Variants in HNRNPLL observed in about 807,000 individuals in gnomAD.
The protein encoded by HNRNPLL is heterogeneous nuclear ribonucleoprotein L like, also known as heterogeneous nuclear ribonucleoprotein L-like.
A neutral mutation model predicts 67.1 loss-of-function variants in HNRNPLL; 25 were observed. That is an observed-to-expected ratio of 0.37 (90% CI 0.27 to 0.52). HNRNPLL has a LOEUF of 0.52. Among genes scored for constraint, HNRNPLL ranks in the 20% least tolerant of loss-of-function variants. The pLI is 0.90. For synonymous variants in HNRNPLL, 267 were observed against 241.7 expected (o/e 1.10, Z -0.97); for missense variants, 542 against 673.9 (o/e 0.80, Z 2.17).
intron 3 of HNRNPLL, 143 bp downstream of exon 3, chr2:38,585,501 A>G (rs1666688135): frequency 3.3e-6 from 2 of 606,494 alleles, no homozygotes; most frequent in African/African-American, 3.7e-5. Context: ...TTCTTTGTTC[A>G]TTAAACTTGT....
chr2:38,587,565 G>A (rs766039195), intron 2 of HNRNPLL, among the ~76,000 whole-genome samples: 5 of 152,068 alleles, frequency 3.3e-5, no homozygotes, highest in Non-Finnish European at 4.4e-5. Flanking sequence ...AAACACAGAC[G>A]CTTCACTGAA....
chr2:38,582,532 G>A (rs886924011), intron 4 of HNRNPLL, among the ~76,000 whole-genome samples: 8 of 152,006 alleles, frequency 5.3e-5, no homozygotes, highest in African/African-American at 1.2e-4. Flanking sequence ...GGATTGTCTC[G>A]ATCTCTTGAC....
At chr2:38,573,088 T>C in intron 8 of HNRNPLL, 122 bp downstream of exon 8, 3 of 670,070 alleles carry the variant, frequency 4.5e-6, no homozygotes, top group Non-Finnish European at 7.6e-6. Flanking sequence ...TTTTAGCTTA[T>C]GTGGGTCATT....
At chr2:38,588,767 T>C (rs1001462927) in intron 2 of HNRNPLL, among the ~76,000 whole-genome samples, 1 of 151,912 alleles carries the variant, frequency 6.6e-6, no homozygotes, top group Non-Finnish European at 1.5e-5. Context: ...TGAAACCAGG[T>C]GTGGTGGCTT....
At chr2:38,576,266 C>T (rs1666297608) in intron 7 of HNRNPLL, among the ~76,000 whole-genome samples, 1 of 151,790 alleles carries the variant, frequency 6.6e-6, no homozygotes, top group Admixed American at 6.6e-5. Context: ...CATGACTCTA[C>T]AACTATACTA....
At position 38,584,032 on chromosome 2, in the gene HNRNPLL, T is replaced by C. The variant is rs552298682; in HGVS notation, c.547-106A>G. The C allele has an allele frequency of 8.4e-5, 40 of 477,584 alleles. 1 individual carries two copies. Among genetic ancestry groups the C allele is most frequent in the African/African-American group, 6.9e-4 (34 of 49,402 alleles). 29.6% of individuals were successfully genotyped at this position (477,584 alleles called of 1,614,324 possible). ...AAAACTATCAACTGTCAAGATGTCA[T>C]TTCTATTGATTAATAAAATTAATTC... On this transcript the variant is annotated intron_variant, in intron 3 of 12. Transcript: ENST00000449105.
In HNRNPLL at chr2:38,598,582, G is replaced by A. The variant is rs73929085; in HGVS notation, c.189+3856C>T. Among the ~76,000 whole-genome samples the A allele has an allele frequency of 7.1e-3, 1,078 of 152,312 alleles. 18 individuals are homozygous for A. Among genetic ancestry groups the A allele is most frequent in the African/African-American group, 0.025 (1,031 of 41,560 alleles). On this transcript the variant is annotated intron_variant, in intron 1 of 12. Transcript: ENST00000449105. ...GATGTAGAACCAGATTTTTAGATAT[G>A]TAACATTTTTTCACTATTATAGCCC...
rs989747207 is a variant in HNRNPLL at position 38,569,315 on chromosome 2, C to A, written c.1234G>T (p.Val412Phe). The change falls in exon 10 of 13, where the codon GTT (valine) becomes TTT (phenylalanine). Residue 412 changes from valine (V) to phenylalanine (F), a missense_variant. Around this residue, in one of 2 missense-constraint regions of HNRNPLL, gnomAD observed 415 missense variants for 575.2 expected, o/e 0.72. Coordinates refer to ENST00000449105, the MANE Select transcript of HNRNPLL (RefSeq NM_138394.4). The part of the protein sequence containing the change: ...LNVCVSKQHS[V>F]VPSQIFELED... ...AGCTCAAATATTTGACTTGGAACAA[C>A]TGAATGTTGTTTAGACACGCTAAAG... The A allele has an allele frequency of 1.9e-6, 3 of 1,611,718 alleles. No homozygotes were observed. The highest frequency in any genetic ancestry group is 1.3e-5 in the African/African-American group (1 of 74,830).
intron 12 of HNRNPLL, chr2:38,566,197 G>A (rs1043195748): frequency 3.0e-5 from 12 of 402,518 alleles, no homozygotes; most frequent in East Asian, 3.2e-4. Context: ...GTGAAACCCC[G>A]TCTCTAACAA....
Position 38,599,910 on chromosome 2 carries a change from TA to T in HNRNPLL, c.189+2527del, listed in dbSNP as rs1239038315. On this transcript the variant is annotated intron_variant, in intron 1 of 12. Coordinates refer to ENST00000449105, the MANE Select transcript of HNRNPLL (RefSeq NM_138394.4). Reference sequence around the variant, plus strand: ...CATTGTACCTAACCTGCATTTACTTTAACAGTCTGACCACAAAGGTATTTCT... The same window carrying T: ...CATTGTACCTAACCTGCATTTACTTTACAGTCTGACCACAAAGGTATTTCT... 4 of 471,430 alleles carry T rather than the reference TA, an allele frequency of 8.5e-6. No homozygotes were observed. In the East Asian group the frequency reaches 2.8e-4, roughly 33 times the overall value. 29.2% of individuals were successfully genotyped at this position (471,430 alleles called of 1,614,324 possible).
At chr2:38,594,342 T>G (rs1667089365) in intron 1 of HNRNPLL, among the ~76,000 whole-genome samples, 1 of 152,154 alleles carries the variant, frequency 6.6e-6, no homozygotes, top group South Asian at 2.1e-4. Context: ...ATCACTGTCT[T>G]TAGTAAGAAA....
At chr2:38,586,703 C>G (rs140902761) in intron 2 of HNRNPLL, among the ~76,000 whole-genome samples, 14 of 152,146 alleles carry the variant, frequency 9.2e-5, no homozygotes, top group Non-Finnish European at 1.9e-4. Context: ...TATAAATAAT[C>G]TCCTCCAAAA....
intron 12 of HNRNPLL, among the ~76,000 whole-genome samples, chr2:38,566,513 A>G (rs746960461): frequency 5.9e-5 from 9 of 152,210 alleles, no homozygotes; most frequent in South Asian, 2.1e-4. Context: ...TAAAAATTGA[A>G]TATCTGACAA....
chr2:38,578,666 C>A (rs1001745442), intron 6 of HNRNPLL, among the ~76,000 whole-genome samples: 1 of 152,054 alleles, frequency 6.6e-6, no homozygotes, highest in Non-Finnish European at 1.5e-5. Context: ...TAAAAATTCT[C>A]TTTACATCAT....
chr2:38,584,888 G>A (rs931527003), intron 3 of HNRNPLL, among the ~76,000 whole-genome samples: 1 of 151,858 alleles, frequency 6.6e-6, no homozygotes, highest in African/African-American at 2.4e-5. Flanking sequence ...TTAGTTACAT[G>A]TTTTCCCAAC....
At chr2:38,586,087 T>C (rs1231808897) in intron 2 of HNRNPLL, among the ~76,000 whole-genome samples, 1 of 151,800 alleles carries the variant, frequency 6.6e-6, no homozygotes, top group Non-Finnish European at 1.5e-5. Context: ...AGTGGCGCAA[T>C]CTAGGCTCAC....
At chr2:38,577,647 C>A (rs73929078) in intron 6 of HNRNPLL, 115 bp from the exon 7 acceptor site, 1 of 676,372 alleles carries the variant, frequency 1.5e-6, no homozygotes, top group East Asian at 2.6e-5. Context: ...AAAAGAAATA[C>A]GATTCCTGGT....
intron 4 of HNRNPLL, among the ~76,000 whole-genome samples, chr2:38,583,263 T>C (rs199905785): frequency 3.9e-5 from 6 of 152,224 alleles, no homozygotes; most frequent in East Asian, 3.8e-4. Context: ...TTGCCAGAAG[T>C]AAGCACTATT....
intron 1 of HNRNPLL, among the ~76,000 whole-genome samples, chr2:38,600,412 G>C (rs1667379778): frequency 6.6e-6 from 1 of 152,114 alleles, no homozygotes; most frequent in Non-Finnish European, 1.5e-5. Flanking sequence ...GTAGTAAACT[G>C]ACTTTCTCAG....
Sources: gnomAD v4.1 joint callset for allele counts (sites outside exome capture counted in the v4.1 genomes callset) on GRCh38, gnomAD v4.1.1 for gene constraint, gnomAD v4.1.1 regional missense constraint, MANE v1.5 for transcripts, NCBI Gene and HGNC (gene_info 2026-07-23, HGNC 2026-07-21) for gene names.